NLK: variants seen among roughly 807,000 people sequenced by gnomAD.
NLK encodes serine/threonine-protein kinase NLK.
Under a neutral mutation model 59.0 loss-of-function variants are expected in NLK, and 11 were observed. The ratio of observed to expected loss-of-function variants is 0.19; its 90% CI spans 0.12 to 0.31. The LOEUF is 0.31. Among genes scored for constraint, NLK ranks in the 10% least tolerant of loss-of-function variants. The probability of loss-of-function intolerance (pLI) is 1.00; values close to 1 mark genes in which losing one functional copy is unlikely to be tolerated. For synonymous variants in NLK, 235 were observed against 235.9 expected, an observed-to-expected ratio of 1.00 and a Z score of 0.03; for missense variants, 410 against 661.1, an observed-to-expected ratio of 0.62 and a Z score of 4.16.
the NLK span, among the ~76,000 whole-genome samples, chr17:28,203,674 C>T: frequency 6.6e-6 from 1 of 152,124 alleles, no homozygotes; most frequent in Non-Finnish European, 1.5e-5. Context: ...ATAGCTGGGA[C>T]TACAGGCGCC....
intron 1 of NLK, among the ~76,000 whole-genome samples, chr17:28,062,588 G>A (rs775511281): frequency 1.3e-5 from 2 of 152,012 alleles, no homozygotes; most frequent in African/African-American, 4.8e-5. Context: ...GATAAATAAC[G>A]TTTTTCTTTT....
intron 1 of NLK, among the ~76,000 whole-genome samples, chr17:28,043,645 A>C (rs1448584409): frequency 6.6e-6 from 1 of 152,220 alleles, no homozygotes; most frequent in Non-Finnish European, 1.5e-5. Context: ...ACTAATTCCT[A>C]CGAAGACCTT....
chr17:28,122,832 T>G, intron 2 of NLK, 100 bp downstream of exon 2: 1 of 1,381,926 alleles, frequency 7.2e-7, no homozygotes, highest in East Asian at 2.3e-5. Flanking sequence ...ATAAGTAAAA[T>G]TTGGAAATTG....
chr17:28,146,229 C>G (rs1907242225), intron 3 of NLK, among the ~76,000 whole-genome samples: 1 of 152,084 alleles, frequency 6.6e-6, no homozygotes, highest in South Asian at 2.1e-4. Context: ...CCCTAAGCCT[C>G]AGTTTCCTCA....
At chr17:28,165,727 A>G (rs1420758944) in intron 5 of NLK, among the ~76,000 whole-genome samples, 5 of 152,204 alleles carry the variant, frequency 3.3e-5, no homozygotes, top group Non-Finnish European at 7.3e-5. Flanking sequence ...ATAAGTTGCT[A>G]AAAATGACGA....
At chr17:28,160,155 T>C (rs2142046757) in intron 3 of NLK, among the ~76,000 whole-genome samples, 1 of 152,258 alleles carries the variant, frequency 6.6e-6, no homozygotes, top group South Asian at 2.1e-4. Context: ...CGAGTGTGGA[T>C]AGGGAAGAGG....
At chr17:28,070,602 C>T (rs566238645) in intron 1 of NLK, among the ~76,000 whole-genome samples, 23 of 151,980 alleles carry the variant, frequency 1.5e-4, no homozygotes, top group Non-Finnish European at 2.2e-4. Context: ...CCTCCCACCT[C>T]GGCCTCCCAA....
intron 1 of NLK, among the ~76,000 whole-genome samples, chr17:28,078,162 A>G (rs966201575): frequency 6.6e-6 from 1 of 152,190 alleles, no homozygotes; most frequent in Non-Finnish European, 1.5e-5. Flanking sequence ...CCCAGAAAAC[A>G]TATGTGATTA....
chr17:28,084,538 C>T (rs904350772), intron 1 of NLK, among the ~76,000 whole-genome samples: 10 of 151,534 alleles, frequency 6.6e-5, no homozygotes, highest in Admixed American at 3.3e-4. Context: ...GACTTGTCAA[C>T]GGGGCTGTAC....
intron 3 of NLK, among the ~76,000 whole-genome samples, chr17:28,151,670 C>T (rs1164650661): frequency 1.3e-5 from 2 of 152,156 alleles, no homozygotes; most frequent in Non-Finnish European, 2.9e-5. Flanking sequence ...CCTGAACTTT[C>T]CAGTTAATTA....
chr17:28,157,365 A>AT (rs1485134948), intron 3 of NLK, among the ~76,000 whole-genome samples: 1 of 151,940 alleles, frequency 6.6e-6, no homozygotes, highest in South Asian at 2.1e-4. Context: ...TAATTTTTGT[A>AT]TTTTTAGTAG....
rs1473627306 is a variant in NLK, at chr17:28,185,306, A to G, written c.1236+41A>G. ...TTTTATATATTTTTAATGAATTACA[A>G]ATACATGTGTTCGAGAGAAACATTG... is the stretch of plus-strand genomic sequence containing the variant. On this transcript the variant is annotated intron_variant, in intron 8 of 10. Transcript: ENST00000407008. 4 of 1,204,556 alleles carry G rather than the reference A, an allele frequency of 3.3e-6. No homozygotes were observed. In the African/African-American group the frequency reaches 6.2e-5, roughly 19 times the overall value. The allele number at this position is 1,204,556 out of a possible 1,614,324, so 74.6% of individuals were successfully genotyped here.
chr17:28,156,053 A>G (rs987613643), intron 3 of NLK, among the ~76,000 whole-genome samples: 7 of 152,056 alleles, frequency 4.6e-5, no homozygotes, highest in African/African-American at 1.7e-4. Flanking sequence ...ATATTCTTGC[A>G]TTTTTTTATA....
chr17:28,051,520 G>A (rs920950200), intron 1 of NLK, among the ~76,000 whole-genome samples: 26 of 151,782 alleles, frequency 1.7e-4, no homozygotes, highest in Admixed American at 1.3e-4. Flanking sequence ...CACCACACCC[G>A]CCTAATTTTT....
intron 2 of NLK, among the ~76,000 whole-genome samples, chr17:28,130,779 T>G (rs1275345964): frequency 6.6e-6 from 1 of 152,224 alleles, no homozygotes; most frequent in African/African-American, 2.4e-5. Context: ...CTAACTGCCT[T>G]CCTCAGTTGT....
At chr17:28,179,743 ATCTC>A (rs771375825) in intron 7 of NLK, among the ~76,000 whole-genome samples, 34 of 152,012 alleles carry the variant, frequency 2.2e-4, no homozygotes, top group Admixed American at 5.2e-4. Flanking sequence ...AAGAGACAGG[ATCTC>A]TCTAAGTTGC....
chr17:28,111,037 G>C (rs1222887898), intron 1 of NLK, among the ~76,000 whole-genome samples: 1 of 151,794 alleles, frequency 6.6e-6, no homozygotes, highest in Non-Finnish European at 1.5e-5. Context: ...GTAGAGACGG[G>C]GTTTCACCGT....
At chr17:28,191,850 G>A (rs1482689235) in intron 9 of NLK, among the ~76,000 whole-genome samples, 1 of 152,210 alleles carries the variant, frequency 6.6e-6, no homozygotes, top group Non-Finnish European at 1.5e-5. Flanking sequence ...AACCTGTGGA[G>A]TCTCTCTCAA....
At chr17:28,120,241 T>G (rs965380664) in intron 1 of NLK, among the ~76,000 whole-genome samples, 1 of 124,216 alleles carries the variant, frequency 8.1e-6, no homozygotes, top group African/African-American at 3.3e-5. Flanking sequence ...TTGGGGTGTG[T>G]GTGTGTGTGT....
Sources: allele counts gnomAD v4.1 joint callset (sites outside exome capture counted in the v4.1 genomes callset), GRCh38; gene constraint gnomAD v4.1.1; transcripts MANE v1.5; gene names NCBI Gene and HGNC (gene_info 2026-07-23, HGNC 2026-07-21).